Variants in CNGA3 observed in about 807,000 individuals in gnomAD.
CNGA3 encodes cyclic nucleotide gated channel subunit alpha 3.
In CNGA3, 42 loss-of-function variants were observed where a neutral mutation model predicts 46.6. The ratio of observed to expected loss-of-function variants is 0.90; its 90% CI spans 0.70 to 1.17. The LOEUF (loss-of-function observed/expected upper bound fraction) is 1.17, where lower values mean the gene tolerates loss of function less well. CNGA3 is among the 50% of genes most tolerant of loss of function. The pLI, the probability that CNGA3 is intolerant of heterozygous loss-of-function variation, is 0.00. For synonymous variants in CNGA3, 394 were observed against 369.4 expected (o/e 1.07, Z -0.76); for missense variants, 893 against 890.7 (o/e 1.00, Z -0.03).
Position 98,397,366 on chromosome 2 carries a change from C to A in CNGA3, c.*111C>A. 9.0e-7 allele frequency: 1 copy of A among 1,111,030 alleles called. No individual in the cohort carries two copies. The highest frequency in any genetic ancestry group is 1.3e-6 in the Non-Finnish European group (1 of 747,970). 68.8% of individuals were successfully genotyped at this position (1,111,030 alleles called of 1,614,324 possible). ...AGGGTTGAATTCCAGCTCTACTCACCCTTTGAAAGCTGTGTGACTGCCTGA... is the reference window on the plus strand; with the variant it reads ...AGGGTTGAATTCCAGCTCTACTCACACTTTGAAAGCTGTGTGACTGCCTGA... On this transcript the variant is annotated 3_prime_UTR_variant, in exon 8 of 8. Coordinates refer to ENST00000272602, the MANE Select transcript of CNGA3 (RefSeq NM_001298.3).
At chr2:98,392,112 T>A in intron 7 of CNGA3, 142 bp downstream of exon 7, 1 of 736,166 alleles carries the variant, frequency 1.4e-6, no homozygotes, top group Non-Finnish European at 2.4e-6. Flanking sequence ...TGAGGGTAGG[T>A]GGTGCGGCCT....
At chr2:98,358,431 T>A (rs145786995) in intron 1 of CNGA3, among the ~76,000 whole-genome samples, 208 of 152,248 alleles carry the variant, frequency 1.4e-3, no homozygotes, top group Non-Finnish European at 2.4e-3. Flanking sequence ...AAATATAAGA[T>A]CTTATGTACC....
intron 5 of CNGA3, among the ~76,000 whole-genome samples, 168 bp from the exon 6 acceptor site, chr2:98,389,490 G>A (rs1365854608): frequency 6.6e-6 from 1 of 152,164 alleles, no homozygotes; most frequent in Non-Finnish European, 1.5e-5. Flanking sequence ...CTCCTGGCCT[G>A]CCTTCCCCTA....
At chr2:98,378,024 C>G in intron 3 of CNGA3, 3 of 1,543,906 alleles carry the variant, frequency 1.9e-6, no homozygotes, top group Non-Finnish European at 2.6e-6. Context: ...TCTGAAATTG[C>G]TTAATAAAAG....
intron 5 of CNGA3, among the ~76,000 whole-genome samples, chr2:98,388,775 T>A (rs1692717409): frequency 1.3e-5 from 2 of 152,186 alleles, no homozygotes; most frequent in African/African-American, 4.8e-5. Flanking sequence ...TCACCCAAAT[T>A]CAGTGGTGAT....
rs147789073 is a variant in CNGA3, at chr2:98,377,784, G to A, written c.199G>A (p.Gly67Ser). The change falls in exon 3 of 8, where the codon GGC becomes AGC. Residue 67 changes from glycine to serine, a missense_variant. Transcript: ENST00000272602. ...LADSGQGSFT[G>S]QGIARLSRLI... The stretch of plus-strand genomic sequence containing the variant: ...TGACTCCGGGCAGGGCTCCTTCACC[G>A]GCCAGGGGATCGCCAGGTAACTGAC... 39 of 1,611,240 alleles carry A rather than the reference G, an allele frequency of 2.4e-5. No homozygotes were observed. Among genetic ancestry groups the A allele is most frequent in the African/African-American group, 5.3e-5 (4 of 74,874 alleles).
chr2:98,391,981 C>T lies in CNGA3; in HGVS notation c.673+11C>T. 1 of 1,612,080 alleles carries T rather than the reference C, an allele frequency of 6.2e-7. No homozygotes were observed. ...TACGAGCTCGGACAGGTGAGTGTGC[C>T]CCAGGCCTGGGGAGGGGACCATGGC... is the stretch of plus-strand genomic sequence containing the variant. On this transcript the variant is annotated intron_variant, in intron 7 of 7. Transcript: ENST00000272602.
At chr2:98,348,454 C>A (rs895204978) in intron 1 of CNGA3, among the ~76,000 whole-genome samples, 1 of 152,200 alleles carries the variant, frequency 6.6e-6, no homozygotes, top group Non-Finnish European at 1.5e-5. Context: ...AGAAGGTAAA[C>A]AGTTGGAAGC....
intron 1 of CNGA3, among the ~76,000 whole-genome samples, chr2:98,361,748 C>A (rs1692038474): frequency 6.8e-6 from 1 of 148,056 alleles, no homozygotes; most frequent in African/African-American, 2.5e-5. Context: ...TGCTCTGTCG[C>A]CCAGGCTGGA....
At chr2:98,367,250 A>T (rs10188533) in intron 1 of CNGA3, among the ~76,000 whole-genome samples, 1 of 146,950 alleles carries the variant, frequency 6.8e-6, no homozygotes, top group Admixed American at 6.8e-5. Context: ...GCAGGAGTGC[A>T]GTGGCGCGAT....
chr2:98,380,479 C>A, intron 4 of CNGA3, 125 bp downstream of exon 4: 1 of 1,238,408 alleles, frequency 8.1e-7, no homozygotes, highest in Non-Finnish European at 1.1e-6. Context: ...ATGAGCTGTT[C>A]CTTGAAGAAA....
At chr2:98,377,557 C>T (rs1692434286) in intron 2 of CNGA3, 130 bp from the exon 3 acceptor site, 3 of 844,722 alleles carry the variant, frequency 3.6e-6, no homozygotes, top group South Asian at 1.5e-5. Flanking sequence ...AGTGGGGAGC[C>T]CCTGGGATGA....
chr2:98,387,033 G>A (rs1692670054), intron 5 of CNGA3, among the ~76,000 whole-genome samples: 1 of 152,216 alleles, frequency 6.6e-6, no homozygotes, highest in South Asian at 2.1e-4. Context: ...GTATAAGTTT[G>A]CAGTAATTTG....
chr2:98,389,370 G>A (rs927370960), intron 5 of CNGA3, among the ~76,000 whole-genome samples: 9 of 152,176 alleles, frequency 5.9e-5, no homozygotes, highest in African/African-American at 1.7e-4. Flanking sequence ...CATCCTGAAG[G>A]GTGTGGATGT....
chr2:98,367,463 G>A (rs1004885523), intron 1 of CNGA3, among the ~76,000 whole-genome samples: 1 of 152,016 alleles, frequency 6.6e-6, no homozygotes, highest in African/African-American at 2.4e-5. Context: ...CAAAGTGCGG[G>A]GATTACGGGC....
At chr2:98,373,932 T>C (rs939098463) in intron 2 of CNGA3, among the ~76,000 whole-genome samples, 1 of 152,220 alleles carries the variant, frequency 6.6e-6, no homozygotes, top group Non-Finnish European at 1.5e-5. Flanking sequence ...AAAACCATTT[T>C]CATCCCACTT....
intron 1 of CNGA3, among the ~76,000 whole-genome samples, chr2:98,357,059 C>T (rs1178252845): frequency 1.3e-5 from 2 of 152,208 alleles, no homozygotes; most frequent in Admixed American, 6.5e-5. Flanking sequence ...TCACCAGTTC[C>T]TCCATTTATC....
intron 1 of CNGA3, among the ~76,000 whole-genome samples, chr2:98,359,808 G>A (rs886939949): frequency 2.0e-5 from 3 of 152,324 alleles, no homozygotes; most frequent in African/African-American, 7.2e-5. Flanking sequence ...GGGCCTAGGG[G>A]AGTGCAAGCT....
At chr2:98,362,059 C>T (rs1003507092) in intron 1 of CNGA3, among the ~76,000 whole-genome samples, 4 of 151,410 alleles carry the variant, frequency 2.6e-5, no homozygotes, top group African/African-American at 9.7e-5. Flanking sequence ...GGTATGTCAT[C>T]GTGGTTTTGA....
Sources: allele counts gnomAD v4.1 joint callset (sites outside exome capture counted in the v4.1 genomes callset), GRCh38; gene constraint gnomAD v4.1.1; transcripts MANE v1.5; gene names NCBI Gene and HGNC (gene_info 2026-07-23, HGNC 2026-07-21).